PRR16: variants seen among roughly 807,000 people sequenced by gnomAD.
PRR16 encodes the protein protein Largen.
PRR16 carries 6 observed loss-of-function variants against 18.2 expected under a neutral mutation model. The observed-to-expected ratio is 0.33, with a 90% CI of 0.18 to 0.65. The LOEUF (loss-of-function observed/expected upper bound fraction) is 0.65, where lower values mean the gene tolerates loss of function less well. Among genes scored for constraint, PRR16 ranks in the 30% least tolerant of loss-of-function variants. The pLI, the probability that PRR16 is intolerant of heterozygous loss-of-function variation, is 0.74. For missense variants in PRR16, 412 were observed against 376.6 expected (o/e 1.09, Z -0.78); for synonymous variants, 151 against 147.8 (o/e 1.02, Z -0.16).
the PRR16 span, among the ~76,000 whole-genome samples, chr5:120,696,963 T>G: frequency 4.0e-5 from 4 of 99,788 alleles, no homozygotes. Context: ...TGCTTAAAAT[T>G]TGACCTGAAC....
In PRR16 at chr5:120,640,722, T is replaced by C. The variant is rs141769974; in HGVS notation, c.160-45232T>C. ...TCTTTATTAAAAAGTAGCTCAATGGTACTGTCAAATGACTTCACTACTCAG... is the reference window on the plus strand; with the variant it reads ...TCTTTATTAAAAAGTAGCTCAATGGCACTGTCAAATGACTTCACTACTCAG... On this transcript the variant is annotated intron_variant, in intron 1 of 1. Transcript: ENST00000407149. Among the ~76,000 whole-genome samples the C allele has an allele frequency of 1.9e-3, 295 of 152,224 alleles. 1 individual carries two copies. The highest frequency in any genetic ancestry group is 6.7e-3 in the African/African-American group (278 of 41,548).
At position 120,686,701 on chromosome 5, in the gene PRR16, A is replaced by G. The variant is rs560749074; in HGVS notation, c.907A>G (p.Thr303Ala). ...GATCTTGAGGAAGTCAACCACTACA[A>G]CCGTGTGATGTATGCCATTAAAAAA... ...KTILRKSTTT[T>A]V The change falls in exon 2 of 2, where the codon ACC becomes GCC. Residue 303 changes from threonine (T) to alanine (A), a missense_variant. Thr to Ala is a moderately conservative substitution (Grantham distance 58, BLOSUM62 0). Transcript: ENST00000407149. The G allele has an allele frequency of 3.3e-6, 5 of 1,514,874 alleles. No homozygotes were observed. The highest frequency in any genetic ancestry group is 2.7e-5 in the South Asian group (2 of 73,836). 93.8% of individuals were successfully genotyped at this position (1,514,874 alleles called of 1,614,324 possible).
At chr5:120,534,986 G>A (rs1220215594) in intron 1 of PRR16, among the ~76,000 whole-genome samples, 1 of 152,008 alleles carries the variant, frequency 6.6e-6, no homozygotes, top group Non-Finnish European at 1.5e-5. Context: ...AGTATGTATC[G>A]TGAGGAGTAA....
chr5:120,648,567 CTA>C (rs1755673000), intron 1 of PRR16, among the ~76,000 whole-genome samples: 1 of 152,052 alleles, frequency 6.6e-6, no homozygotes, highest in African/African-American at 2.4e-5. Flanking sequence ...ATAAATATCT[CTA>C]TTATTTTTAA....
chr5:120,737,322 T>G, the PRR16 span, among the ~76,000 whole-genome samples: 3 of 143,552 alleles, frequency 2.1e-5, no homozygotes, highest in African/African-American at 8.0e-5. Flanking sequence ...TTTTTTTTTT[T>G]TTTTTTTTTT....
At chr5:120,703,616 G>A in the PRR16 span, among the ~76,000 whole-genome samples, 4 of 152,154 alleles carry the variant, frequency 2.6e-5, no homozygotes, top group Non-Finnish European at 4.4e-5. Context: ...GTGCTTTATT[G>A]ATTATCTTTT....
chr5:120,651,027 T>G (rs1325298199), intron 1 of PRR16, among the ~76,000 whole-genome samples: 12 of 152,284 alleles, frequency 7.9e-5, no homozygotes, highest in South Asian at 2.1e-4. Context: ...ATTCTAAATG[T>G]TGTGAGATGG....
intron 1 of PRR16, among the ~76,000 whole-genome samples, chr5:120,532,125 A>G (rs1028972142): frequency 4.6e-5 from 7 of 152,180 alleles, no homozygotes; most frequent in African/African-American, 1.7e-4. Flanking sequence ...TGTTCTCAAA[A>G]TCAAAATCCT....
the PRR16 span, among the ~76,000 whole-genome samples, chr5:120,773,003 T>G: frequency 2.0e-5 from 3 of 152,250 alleles, no homozygotes; most frequent in Admixed American, 2.0e-4. Context: ...ACAATAGTCT[T>G]GAGGTACTGT....
At chr5:120,638,741 ACACT>A (rs1245139154) in intron 1 of PRR16, among the ~76,000 whole-genome samples, 4 of 152,122 alleles carry the variant, frequency 2.6e-5, no homozygotes, top group African/African-American at 9.6e-5. Context: ...ATACCCTAAC[ACACT>A]CACACACAGC....
chr5:120,686,780 C>G lies in PRR16; in HGVS notation c.*71C>G. ...ACATAAAATAAGTAATGAGCACTTT[C>G]TACTCAAGCAATAAAAAGCCCAAAT... On this transcript the variant is annotated 3_prime_UTR_variant, in exon 2 of 2. Transcript: ENST00000407149. 1 of 1,235,628 alleles carries G rather than the reference C, an allele frequency of 8.1e-7. No individual in the cohort carries two copies. Among genetic ancestry groups the G allele is most frequent in the South Asian group, 2.3e-5 (1 of 43,758 alleles). 76.5% of individuals were successfully genotyped at this position (1,235,628 alleles called of 1,614,324 possible). A position where few individuals can be genotyped will look rare whatever the true frequency, so the allele number is the denominator to read the frequency against.
chr5:120,468,524 A>G (rs1277572434), intron 1 of PRR16, among the ~76,000 whole-genome samples: 1 of 152,206 alleles, frequency 6.6e-6, no homozygotes, highest in Non-Finnish European at 1.5e-5. Context: ...GATAAAATTA[A>G]CCATAACTGG....
At chr5:120,705,217 A>G in the PRR16 span, among the ~76,000 whole-genome samples, 2 of 152,090 alleles carry the variant, frequency 1.3e-5, no homozygotes, top group Admixed American at 6.5e-5. Context: ...TGTATATATA[A>G]TGTTATGTTA....
chr5:120,568,469 T>C lies in PRR16; in HGVS notation c.159+103824T>C, dbSNP rs139799083. On this transcript the variant is annotated intron_variant, in intron 1 of 1. Coordinates refer to ENST00000407149, the MANE Select transcript of PRR16 (RefSeq NM_001300783.2). ...CCTGAAAGAAAACAAAATAAAGTTG[T>C]CTGGGAAAAAAATGACTTTTTAATG... Among the ~76,000 whole-genome samples, 473 of 152,230 alleles carry C rather than the reference T, an allele frequency of 3.1e-3. 3 individuals are homozygous for C. The highest frequency in any genetic ancestry group is 0.011 in the African/African-American group (460 of 41,562).
At chr5:120,526,260 C>G (rs41357149) in intron 1 of PRR16, among the ~76,000 whole-genome samples, 1 of 152,108 alleles carries the variant, frequency 6.6e-6, no homozygotes. Context: ...ACACCAGATT[C>G]CGTTCCACCT....
At chr5:120,710,029 T>C in the PRR16 span, among the ~76,000 whole-genome samples, 1 of 152,198 alleles carries the variant, frequency 6.6e-6, no homozygotes, top group African/African-American at 2.4e-5. Context: ...GTTCTATTTT[T>C]AGTTTTTTGA....
the PRR16 span, among the ~76,000 whole-genome samples, chr5:120,719,245 G>A: frequency 6.6e-6 from 1 of 152,008 alleles, no homozygotes; most frequent in East Asian, 1.9e-4. Context: ...GACCTAGTGA[G>A]TTTGATTGAC....
the PRR16 span, among the ~76,000 whole-genome samples, chr5:120,749,610 C>T: frequency 6.6e-6 from 1 of 152,102 alleles, no homozygotes; most frequent in Non-Finnish European, 1.5e-5. Context: ...TTTTCAATCT[C>T]TTTGCATTGA....
chr5:120,620,940 A>G (rs190642511), intron 1 of PRR16, among the ~76,000 whole-genome samples: 16 of 152,286 alleles, frequency 1.1e-4, no homozygotes, highest in African/African-American at 3.1e-4. Flanking sequence ...GCAGAACTTC[A>G]GAATCAATAC....
Sources: gnomAD v4.1 joint callset for allele counts (sites outside exome capture counted in the v4.1 genomes callset) on GRCh38, gnomAD v4.1.1 for gene constraint, MANE v1.5 for transcripts, NCBI Gene and HGNC (gene_info 2026-07-23, HGNC 2026-07-21) for gene names.